Variants in HECW2 observed in about 807,000 individuals in gnomAD.
The protein encoded by HECW2 is HECT, C2 and WW domain containing E3 ubiquitin protein ligase 2, also known as E3 ubiquitin-protein ligase HECW2.
HECW2 carries 61 observed loss-of-function variants against 175.2 expected under a neutral mutation model. The ratio of observed to expected loss-of-function variants is 0.35; its 90% CI spans 0.28 to 0.43. The LOEUF (loss-of-function observed/expected upper bound fraction) is 0.43, where lower values mean the gene tolerates loss of function less well. Among genes scored for constraint, HECW2 ranks in the 20% least tolerant of loss-of-function variants. The pLI, the probability that HECW2 is intolerant of heterozygous loss-of-function variation, is 1.00. For missense variants in HECW2, 1,524 were observed against 2,000.5 expected (o/e 0.76, Z 4.54); for synonymous variants, 671 against 731.0 (o/e 0.92, Z 1.32).
At chr2:196,562,472 TGAAA>T (rs1301539212) in intron 1 of HECW2, among the ~76,000 whole-genome samples, 4 of 152,150 alleles carry the variant, frequency 2.6e-5, no homozygotes, top group Non-Finnish European at 5.9e-5. Context: ...TAGCTAAAGC[TGAAA>T]GAGGGCTTGG....
intron 1 of HECW2, among the ~76,000 whole-genome samples, chr2:196,457,513 G>A (rs1696559998): frequency 6.6e-6 from 1 of 152,154 alleles, no homozygotes. Context: ...GAATGTGTGA[G>A]TTTCTCAAAT....
chr2:196,521,352 T>C (rs900274054), intron 1 of HECW2, among the ~76,000 whole-genome samples: 3 of 151,382 alleles, frequency 2.0e-5, no homozygotes, highest in Admixed American at 1.3e-4. Context: ...TACCTAATTT[T>C]ATACAGAAAA....
intron 14 of HECW2, chr2:196,290,876 G>C (rs2106025682): frequency 6.6e-6 from 1 of 152,174 alleles, no homozygotes; most frequent in Admixed American, 6.5e-5. Flanking sequence ...GTGGTCCAGG[G>C]ACATAATCAC....
intron 1 of HECW2, among the ~76,000 whole-genome samples, chr2:196,580,649 A>C (rs900102490): frequency 1.3e-5 from 2 of 150,236 alleles, no homozygotes; most frequent in Non-Finnish European, 1.5e-5. Context: ...CACCCGCTAC[A>C]ATGGCAAAAA....
intron 2 of HECW2, among the ~76,000 whole-genome samples, chr2:196,373,874 T>C (rs1162706639): frequency 1.3e-5 from 2 of 151,476 alleles, no homozygotes; most frequent in East Asian, 1.9e-4. Flanking sequence ...CTACTAAAAA[T>C]ACAAAAAATT....
intron 2 of HECW2, among the ~76,000 whole-genome samples, chr2:196,360,680 C>T (rs778873128): frequency 2.6e-5 from 4 of 152,082 alleles, no homozygotes; most frequent in Non-Finnish European, 5.9e-5. Context: ...TGCATATGTA[C>T]CCCTGAACCT....
intron 1 of HECW2, among the ~76,000 whole-genome samples, chr2:196,554,631 C>T (rs924141117): frequency 1.1e-4 from 17 of 152,208 alleles, no homozygotes; most frequent in African/African-American, 4.1e-4. Flanking sequence ...GCAAACTACA[C>T]CCTTAACCTG....
chr2:196,576,985 AT>A (rs767542838), intron 1 of HECW2, among the ~76,000 whole-genome samples: 6 of 152,352 alleles, frequency 3.9e-5, no homozygotes, highest in Non-Finnish European at 7.3e-5. Flanking sequence ...AGGAAGGAAA[AT>A]GGCTGAAGAC....
chr2:196,388,732 A>AGT (rs1424566288), intron 2 of HECW2, among the ~76,000 whole-genome samples: 1 of 152,212 alleles, frequency 6.6e-6, no homozygotes. Flanking sequence ...ATCTATAAGA[A>AGT]TGGAAACCTA....
rs1553637371 is a variant in HECW2, at chr2:196,252,198, A to ATAATAATAATAATAC, written c.3529+1721_3529+1722insGTATTATTATTATTA. 9.2e-5 allele frequency among the ~76,000 whole-genome samples: 13 copies of ATAATAATAATAATAC among 141,254 alleles called. No homozygotes were observed. The East Asian group carries it at 3.0e-3, about 33-fold the overall frequency. 92.7% of individuals were successfully genotyped at this position (141,254 alleles called of 152,430 possible). A position where few individuals can be genotyped will look rare whatever the true frequency, so the allele number is the denominator to read the frequency against. On this transcript the variant is annotated intron_variant, in intron 19 of 28. Transcript: ENST00000644978. ...ATTCAAAATAATAATAATAATAATAATAATAATAATAATAATAAGGCTTCA... is the reference window on the plus strand; with the variant it reads ...ATTCAAAATAATAATAATAATAATAATAATAATAATAATACTAATAATAATAATAATAAGGCTTCA...
chr2:196,258,264 C>T (rs888415505), intron 17 of HECW2, among the ~76,000 whole-genome samples: 1 of 152,306 alleles, frequency 6.6e-6, no homozygotes, highest in South Asian at 2.1e-4. Flanking sequence ...TATAGTCTTA[C>T]GCTGATGCCC....
At chr2:196,532,621 G>C (rs1688880104) in intron 1 of HECW2, among the ~76,000 whole-genome samples, 1 of 151,798 alleles carries the variant, frequency 6.6e-6, no homozygotes, top group South Asian at 2.1e-4. Context: ...AGAACTTAAA[G>C]TATAATAATT....
At chr2:196,419,816 G>A (rs1325564152) in intron 2 of HECW2, among the ~76,000 whole-genome samples, 2 of 152,190 alleles carry the variant, frequency 1.3e-5, no homozygotes, top group East Asian at 3.9e-4. Context: ...TTGAAGCTCG[G>A]AATGGTTCAG....
At chr2:196,361,428 T>C (rs1031640950) in intron 2 of HECW2, among the ~76,000 whole-genome samples, 1 of 152,192 alleles carries the variant, frequency 6.6e-6, no homozygotes, top group Non-Finnish European at 1.5e-5. Context: ...AAACCATGAT[T>C]ATTCCAGGGA....
At chr2:196,326,222 T>C (rs745466865) in intron 5 of HECW2, among the ~76,000 whole-genome samples, 2 of 152,168 alleles carry the variant, frequency 1.3e-5, no homozygotes, top group African/African-American at 4.8e-5. Flanking sequence ...AGCCCATTCC[T>C]GAAATACAAG....
chr2:196,569,489 C>A (rs575470518), intron 1 of HECW2, among the ~76,000 whole-genome samples: 1 of 152,262 alleles, frequency 6.6e-6, no homozygotes, highest in Admixed American at 6.5e-5. Context: ...TTTTATGCTT[C>A]TCTATTCTAC....
Position 196,367,876 on chromosome 2 carries a change from T to TGTGTGTGTGTGTG in HECW2, c.293-24113_293-24112insCACACACACACAC, listed in dbSNP as rs1553508124. The stretch of plus-strand genomic sequence containing the variant: ...CCATTGTGTGTGTGTGTGTGTGTGT[T>TGTGTGTGTGTGTG]TGTGTGTGTGTGTGTGTATGGTACA... On this transcript the variant is annotated intron_variant, in intron 2 of 28. Transcript: ENST00000644978. Among the ~76,000 whole-genome samples, 627 of 144,982 alleles carry TGTGTGTGTGTGTG rather than the reference T, an allele frequency of 4.3e-3. 12 individuals are homozygous for TGTGTGTGTGTGTG. The highest frequency in any genetic ancestry group is 0.016 in the African/African-American group (595 of 38,074).
chr2:196,240,906 T>C (rs1298056021), intron 20 of HECW2, among the ~76,000 whole-genome samples: 3 of 152,070 alleles, frequency 2.0e-5, no homozygotes, highest in Non-Finnish European at 4.4e-5. Context: ...TACATTTTGT[T>C]TAGTAAAGCA....
At chr2:196,223,186 G>C (rs909855748) in intron 23 of HECW2, among the ~76,000 whole-genome samples, 2 of 152,152 alleles carry the variant, frequency 1.3e-5, no homozygotes, top group African/African-American at 4.8e-5. Flanking sequence ...GGGGAGCCAA[G>C]TACACAAACA....
Sources: allele counts gnomAD v4.1 joint callset (sites outside exome capture counted in the v4.1 genomes callset), GRCh38; gene constraint gnomAD v4.1.1; transcripts MANE v1.5; gene names NCBI Gene and HGNC (gene_info 2026-07-23, HGNC 2026-07-21).